ROCK1: variants seen among roughly 807,000 people sequenced by gnomAD.
ROCK1 encodes rho-associated protein kinase 1.
In ROCK1, 36 loss-of-function variants were observed where a neutral mutation model predicts 196.8. The ratio of observed to expected loss-of-function variants is 0.18; its 90% confidence interval spans 0.14 to 0.24. ROCK1 has a LOEUF of 0.24. Among genes scored for constraint, ROCK1 ranks in the 10% least tolerant of loss-of-function variants. The pLI is 1.00. For missense variants in ROCK1, 920 were observed against 1,562.0 expected (o/e 0.59, Z 6.93); for synonymous variants, 443 against 515.9 (o/e 0.86, Z 1.91).
At chr18:21,039,597 C>T (rs750102163) in intron 8 of ROCK1, 34 bp from the exon 9 acceptor site, 157 of 1,436,192 alleles carry the variant, frequency 1.1e-4, no homozygotes, top group Middle Eastern at 3.5e-4. Context: ...AGTAATCAAT[C>T]ATTTAAGATC....
At chr18:21,017,047 C>T (rs118056701) in intron 12 of ROCK1, among the ~76,000 whole-genome samples, 2 of 152,148 alleles carry the variant, frequency 1.3e-5, no homozygotes, top group Non-Finnish European at 2.9e-5. Context: ...CTTCCTTCCA[C>T]TCTTCTCCTA....
At position 20,982,762 on chromosome 18, in the gene ROCK1, C is replaced by T; in HGVS notation, c.2559+1G>A. On this transcript the variant is annotated splice_donor_variant, in intron 21 of 32. Transcript: ENST00000399799. LOFTEE classifies it high-confidence loss of function. ...GTATGTTAAAAATGATTCTCACTTA[C>T]CGAGAAATATTGCTCAGCTTCAAGC... 2 of 1,485,708 alleles carry T rather than the reference C, an allele frequency of 1.3e-6. No homozygotes were observed. Among genetic ancestry groups the T allele is most frequent in the South Asian group, 1.1e-5 (1 of 87,820 alleles). The allele number at this position is 1,485,708 out of a possible 1,614,324, so 92.0% of individuals were successfully genotyped here. A position where few individuals can be genotyped will look rare whatever the true frequency, so the allele number is the denominator to read the frequency against.
chr18:21,067,812 G>A (rs779539702), intron 2 of ROCK1, among the ~76,000 whole-genome samples: 13 of 152,214 alleles, frequency 8.5e-5, no homozygotes, highest in Non-Finnish European at 1.6e-4. Flanking sequence ...TGCTTAGTCC[G>A]AGGTCATGAA....
intron 29 of ROCK1, among the ~76,000 whole-genome samples, chr18:20,959,183 T>TTATATATAATATATATAATACATATAA (rs2035300604): frequency 1.2e-5 from 1 of 84,176 alleles, no homozygotes; most frequent in Non-Finnish European, 2.1e-5. Flanking sequence ...ATATATAATA[T>TTATATATAATATATATAATACATATAA]TATATATAAT....
chr18:21,101,302 G>C (rs914824068), intron 1 of ROCK1, among the ~76,000 whole-genome samples: 7 of 152,192 alleles, frequency 4.6e-5, no homozygotes, highest in African/African-American at 1.7e-4. Flanking sequence ...ACCATTAGAT[G>C]AAAGGTTAAT....
rs1459468545 is a variant in ROCK1, at chr18:21,052,218, T to C, written c.176-2338A>G. Among the ~76,000 whole-genome samples, 8 of 152,316 alleles carry C rather than the reference T, an allele frequency of 5.3e-5. No homozygotes were observed. The East Asian group carries it at 1.2e-3, about 22-fold the overall frequency. On this transcript the variant is annotated intron_variant, in intron 2 of 32. Transcript: ENST00000399799. Reference sequence around the variant, plus strand: ...GTGCTAACAAGTGTAAATGCCTCTGTTGGATGGCTTTCAATCAAACTCAGA... The same window carrying C: ...GTGCTAACAAGTGTAAATGCCTCTGCTGGATGGCTTTCAATCAAACTCAGA...
intron 4 of ROCK1, among the ~76,000 whole-genome samples, chr18:21,047,611 G>A (rs1245684005): frequency 6.6e-6 from 1 of 152,068 alleles, no homozygotes; most frequent in Non-Finnish European, 1.5e-5. Context: ...GGCTAACACA[G>A]TGAAACCCGT....
chr18:20,959,040 A>T (rs1175341883), intron 29 of ROCK1, among the ~76,000 whole-genome samples: 4 of 57,426 alleles, frequency 7.0e-5, no homozygotes, highest in Non-Finnish European at 1.0e-4. Context: ...TATTTTATAT[A>T]ATATATAATA....
At chr18:21,024,455 C>T (rs538325167) in intron 10 of ROCK1, among the ~76,000 whole-genome samples, 1 of 152,258 alleles carries the variant, frequency 6.6e-6, no homozygotes, top group African/African-American at 2.4e-5. Context: ...CAGTGTTGCT[C>T]CTACTGCCAC....
rs200439099 is a variant in ROCK1 at position 20,995,728 on chromosome 18, G to GA, written c.1886-2792dup. Among the ~76,000 whole-genome samples, 995 of 152,290 alleles carry GA rather than the reference G, an allele frequency of 6.5e-3. 12 individuals carry two copies. The highest frequency in any genetic ancestry group is 0.023 in the African/African-American group (955 of 41,556). ...GCAGAGAGACTCCATTTGTTTGGGA[G>GA]AAAGGGAAGAGAACAGAGCCTCTGC... On this transcript the variant is annotated intron_variant, in intron 16 of 32. Transcript: ENST00000399799.
rs548053203 is a variant in ROCK1 at position 20,949,763 on chromosome 18, T to C, written c.*1621A>G. The C allele has an allele frequency of 3.9e-4, 60 of 152,726 alleles. No homozygotes were observed. The highest frequency in any genetic ancestry group is 1.4e-3 in the African/African-American group (57 of 41,572). The allele number at this position is 152,726 out of a possible 1,614,324, so 9.5% of individuals were successfully genotyped here. On this transcript the variant is annotated 3_prime_UTR_variant, in exon 33 of 33. Transcript: ENST00000399799. ...CGTTTTATCTTTTAAAAATACACTT[T>C]AATCTAACCATGGAATTTCACAAAC...
At chr18:20,980,776 C>T (rs1260101592) in intron 21 of ROCK1, among the ~76,000 whole-genome samples, 2 of 151,652 alleles carry the variant, frequency 1.3e-5, no homozygotes, top group African/African-American at 4.8e-5. Context: ...ATTAGCTGGG[C>T]GTGGTGGCAT....
chr18:21,098,942 T>C (rs781078690), intron 1 of ROCK1, among the ~76,000 whole-genome samples: 1 of 152,224 alleles, frequency 6.6e-6, no homozygotes, highest in Non-Finnish European at 1.5e-5. Flanking sequence ...TTACAACATA[T>C]TGTTGGTGAG....
chr18:21,063,370 A>T (rs922771485), intron 2 of ROCK1, among the ~76,000 whole-genome samples: 2 of 152,214 alleles, frequency 1.3e-5, no homozygotes, highest in African/African-American at 4.8e-5. Context: ...TGAAGCCTAG[A>T]TAACCAAGAG....
intron 2 of ROCK1, among the ~76,000 whole-genome samples, chr18:21,063,284 T>C (rs2036307318): frequency 6.6e-6 from 1 of 152,086 alleles, no homozygotes; most frequent in Non-Finnish European, 1.5e-5. Context: ...ACCAATTAAA[T>C]AGTCATACAA....
intron 16 of ROCK1, among the ~76,000 whole-genome samples, chr18:20,997,747 T>A (rs964477105): frequency 3.9e-5 from 6 of 152,038 alleles, no homozygotes; most frequent in Non-Finnish European, 7.4e-5. Context: ...ACAAAGCAAG[T>A]CTTGAAAAAT....
At chr18:21,063,641 T>C (rs2036310058) in intron 2 of ROCK1, among the ~76,000 whole-genome samples, 1 of 152,156 alleles carries the variant, frequency 6.6e-6, no homozygotes, top group African/African-American at 2.4e-5. Flanking sequence ...GGAATGGAAT[T>C]TGACTTAAAT....
chr18:21,076,544 G>T (rs891433723), intron 1 of ROCK1, among the ~76,000 whole-genome samples: 1 of 151,996 alleles, frequency 6.6e-6, no homozygotes, highest in Non-Finnish European at 1.5e-5. Flanking sequence ...TTTATGATAC[G>T]TTTGTGTGTG....
In ROCK1 at chr18:21,039,497, C is replaced by T. The variant is rs1357430004; in HGVS notation, c.1026G>A (p.Gln342=). 1 of 1,613,640 alleles carries T rather than the reference C, an allele frequency of 6.2e-7. No homozygotes were observed. Among genetic ancestry groups the T allele is most frequent in the Admixed American group, 1.7e-5 (1 of 60,000 alleles). ...IKRHLFFKND[Q]WAWETLRDTV... ...TGTCTCGGAGCGTTTCCCAAGCCCA[C>T]TGGTCATTTTTGAAGAAGAGATGTC... is the stretch of plus-strand genomic sequence containing the variant. Residue 342 remains glutamine, a synonymous_variant, in exon 9 of 33, where the codon CAG becomes CAA. Coordinates refer to ENST00000399799, the MANE Select transcript of ROCK1 (RefSeq NM_005406.3).
Sources: gnomAD v4.1 joint callset for allele counts (sites outside exome capture counted in the v4.1 genomes callset) on GRCh38, gnomAD v4.1.1 for gene constraint, MANE v1.5 for transcripts, NCBI Gene and HGNC (gene_info 2026-07-23, HGNC 2026-07-21) for gene names.